Variants in SEM1 observed in about 807,000 individuals in gnomAD.
The protein encoded by SEM1 is SEM1 26S proteasome subunit, also known as 26S proteasome complex subunit SEM1.
SEM1 carries 3 observed loss-of-function variants against 12.7 expected under a neutral mutation model. The observed-to-expected ratio is 0.24, with a 90% CI of 0.11 to 0.61. SEM1 has a LOEUF of 0.61. Among genes scored for constraint, SEM1 ranks in the 20% least tolerant of loss-of-function variants. SEM1 has a pLI of 0.88. For synonymous variants in SEM1, 30 were observed against 27.8 expected (o/e 1.08, Z -0.25); for missense variants, 59 against 81.3 (o/e 0.73, Z 1.06).
intron 2 of SEM1, among the ~76,000 whole-genome samples, chr7:96,655,673 C>T (rs899573840): frequency 1.3e-5 from 2 of 152,046 alleles, no homozygotes; most frequent in Non-Finnish European, 1.5e-5. Context: ...ATGAACAAAC[C>T]GATCGCTCCC....
chr7:96,522,333 C>T (rs1470151781), intron 2 of SEM1, among the ~76,000 whole-genome samples: 1 of 152,068 alleles, frequency 6.6e-6, no homozygotes, highest in Non-Finnish European at 1.5e-5. Flanking sequence ...AAACTGTTGT[C>T]CTTATGTAGA....
intron 3 of SEM1, among the ~76,000 whole-genome samples, chr7:96,505,337 C>G (rs1211616172): frequency 1.3e-5 from 2 of 152,024 alleles, no homozygotes; most frequent in Non-Finnish European, 2.9e-5. Context: ...TTCCTGACCT[C>G]AGGTGATCCA....
At chr7:96,510,128 G>T (rs1803892135) in intron 2 of SEM1, among the ~76,000 whole-genome samples, 2 of 151,994 alleles carry the variant, frequency 1.3e-5, no homozygotes, top group Non-Finnish European at 2.9e-5. Context: ...CAAATCTATT[G>T]TATACGCCCT....
intron 2 of SEM1, among the ~76,000 whole-genome samples, chr7:96,603,885 G>GT (rs5885973): frequency 3.4e-5 from 5 of 148,002 alleles, no homozygotes; most frequent in African/African-American, 9.9e-5. Context: ...TTACAGGATA[G>GT]TTTTTTTTTT....
chr7:96,584,655 C>T (rs1584785115), intron 2 of SEM1, among the ~76,000 whole-genome samples: 1 of 149,810 alleles, frequency 6.7e-6, no homozygotes, highest in Non-Finnish European at 1.5e-5. Flanking sequence ...TTCTTGGAGG[C>T]TTTGCTCGTT....
chr7:96,546,661 C>A (rs1805112541), intron 2 of SEM1, among the ~76,000 whole-genome samples: 1 of 152,094 alleles, frequency 6.6e-6, no homozygotes, highest in South Asian at 2.1e-4. Context: ...CTGGAACATT[C>A]CACCGGCACG....
chr7:96,603,117 C>T (rs1360781883), intron 2 of SEM1, among the ~76,000 whole-genome samples: 2 of 152,112 alleles, frequency 1.3e-5, no homozygotes, highest in Non-Finnish European at 2.9e-5. Context: ...GTTGAGTGAA[C>T]AGAACTTGCA....
At chr7:96,652,320 T>C (rs1292406132) in intron 2 of SEM1, among the ~76,000 whole-genome samples, 2 of 152,194 alleles carry the variant, frequency 1.3e-5, no homozygotes, top group East Asian at 3.9e-4. Context: ...TGAGAGTGTG[T>C]TTTTCCCACT....
intron 2 of SEM1, among the ~76,000 whole-genome samples, chr7:96,577,918 A>G (rs763688538): frequency 4.6e-5 from 7 of 152,026 alleles, no homozygotes; most frequent in Admixed American, 6.6e-5. Flanking sequence ...AGTAGAAATT[A>G]CTATATGCAG....
chr7:96,574,546 C>T (rs571465836), intron 2 of SEM1, among the ~76,000 whole-genome samples: 12 of 152,268 alleles, frequency 7.9e-5, no homozygotes, highest in South Asian at 4.1e-4. Flanking sequence ...GTTTACAGTC[C>T]CACTAACAGT....
At chr7:96,642,400 TTAC>T (rs1808643417) in intron 2 of SEM1, among the ~76,000 whole-genome samples, 1 of 152,084 alleles carries the variant, frequency 6.6e-6, no homozygotes. Context: ...TCAGGAAAAC[TTAC>T]TTCAATTACA....
At chr7:96,522,403 A>T (rs568681238) in intron 2 of SEM1, among the ~76,000 whole-genome samples, 3 of 152,132 alleles carry the variant, frequency 2.0e-5, no homozygotes, top group Non-Finnish European at 4.4e-5. Flanking sequence ...TGCTCTAACA[A>T]TGATTGCCCA....
At chr7:96,570,401 T>C (rs1261016530) in intron 2 of SEM1, among the ~76,000 whole-genome samples, 2 of 151,920 alleles carry the variant, frequency 1.3e-5, no homozygotes, top group African/African-American at 2.4e-5. Flanking sequence ...TGTGTCCATG[T>C]GTTCTCATTG....
At chr7:96,659,753 G>A (rs1788924707) in intron 2 of SEM1, among the ~76,000 whole-genome samples, 1 of 151,466 alleles carries the variant, frequency 6.6e-6, no homozygotes, top group South Asian at 2.1e-4. Context: ...AAATTTCAAG[G>A]GTGATCACTA....
chr7:96,502,800 G>A (rs1253607639), intron 3 of SEM1, among the ~76,000 whole-genome samples: 1 of 152,170 alleles, frequency 6.6e-6, no homozygotes, highest in Non-Finnish European at 1.5e-5. Flanking sequence ...TACATGTAAG[G>A]CATTGTGCTT....
intron 2 of SEM1, among the ~76,000 whole-genome samples, chr7:96,601,878 T>C (rs961850234): frequency 3.3e-5 from 5 of 151,600 alleles, no homozygotes; most frequent in Admixed American, 3.3e-4. Flanking sequence ...TTATGAAAAA[T>C]TGTGGGAGTG....
intron 1 of SEM1, among the ~76,000 whole-genome samples, chr7:96,707,242 T>C (rs1790494910): frequency 6.6e-6 from 1 of 152,230 alleles, no homozygotes; most frequent in African/African-American, 2.4e-5. Context: ...AAACCTTGAC[T>C]AGACCAAAAC....
rs975308736 is a variant in SEM1, at chr7:96,583,543, T to C, written c.171-76845A>G. Among the ~76,000 whole-genome samples, 99 of 149,054 alleles carry C rather than the reference T, an allele frequency of 6.6e-4. 2 individuals carry two copies. In the Middle Eastern group the frequency reaches 0.017, roughly 26 times the overall value. ...GGGTATCCTTGTTGACTTTCTGTCT[T>C]GTTGATCTGTCTAATGTTGACAGTG... On this transcript the variant is annotated intron_variant and NMD_transcript_variant, in intron 2 of 3. Transcript: ENST00000466986.
chr7:96,582,149 A>G (rs922836688), intron 2 of SEM1, among the ~76,000 whole-genome samples: 18 of 151,468 alleles, frequency 1.2e-4, no homozygotes, highest in African/African-American at 4.4e-4. Flanking sequence ...ACGTCCCATC[A>G]ATACCTAATT....
Sources: allele counts gnomAD v4.1 joint callset (sites outside exome capture counted in the v4.1 genomes callset), GRCh38; gene constraint gnomAD v4.1.1; transcripts MANE v1.5; gene names NCBI Gene and HGNC (gene_info 2026-07-23, HGNC 2026-07-21).